The following RAB3C variants were observed in gnomAD, a reference collection of about 807,000 sequenced individuals.
RAB3C encodes ras-related protein Rab-3C.
RAB3C carries 17 observed loss-of-function variants against 26.4 expected under a neutral mutation model. The ratio of observed to expected loss-of-function variants is 0.64; its 90% CI spans 0.44 to 0.97. The LOEUF is 0.97. RAB3C is among the 50% of genes least tolerant of loss of function. RAB3C has a pLI of 0.00. For missense variants in RAB3C, 242 were observed against 281.9 expected (o/e 0.86, Z 1.01); for synonymous variants, 91 against 95.9 (o/e 0.95, Z 0.30).
chr5:58,849,993 T>C (rs1744080545), intron 4 of RAB3C, among the ~76,000 whole-genome samples: 1 of 152,216 alleles, frequency 6.6e-6, no homozygotes, highest in African/African-American at 2.4e-5. Context: ...GAAGGATTTA[T>C]AGGGTGTAAA....
intron 4 of RAB3C, among the ~76,000 whole-genome samples, chr5:58,840,531 C>T (rs1743854220): frequency 6.6e-6 from 1 of 151,876 alleles, no homozygotes; most frequent in Non-Finnish European, 1.5e-5. Context: ...GTCTTGTTTC[C>T]TTGCTTTCTC....
chr5:58,611,954 G>T (rs1265760300), intron 1 of RAB3C, among the ~76,000 whole-genome samples: 2 of 152,090 alleles, frequency 1.3e-5, no homozygotes, highest in Admixed American at 6.6e-5. Context: ...CATACTGCTA[G>T]CCCGTTCTCC....
intron 3 of RAB3C, among the ~76,000 whole-genome samples, chr5:58,778,058 T>G (rs1327957695): frequency 2.0e-5 from 3 of 152,130 alleles, no homozygotes; most frequent in Admixed American, 2.0e-4. Context: ...GATGAATACA[T>G]GTATCACTAT....
intron 4 of RAB3C, among the ~76,000 whole-genome samples, chr5:58,830,574 G>C (rs1743591012): frequency 6.6e-6 from 1 of 152,164 alleles, no homozygotes; most frequent in Non-Finnish European, 1.5e-5. Context: ...AATGACCCCA[G>C]CATGCCTGAT....
At chr5:58,647,991 A>C (rs1201444715) in intron 2 of RAB3C, among the ~76,000 whole-genome samples, 1 of 152,240 alleles carries the variant, frequency 6.6e-6, no homozygotes, top group Non-Finnish European at 1.5e-5. Flanking sequence ...AGGGAATATA[A>C]TATCATTTTT....
chr5:58,623,760 T>C (rs1196825866), intron 2 of RAB3C, among the ~76,000 whole-genome samples: 2 of 152,146 alleles, frequency 1.3e-5, no homozygotes, highest in African/African-American at 2.4e-5. Flanking sequence ...AAAACAAACA[T>C]AGAAGAAAGG....
intron 1 of RAB3C, among the ~76,000 whole-genome samples, chr5:58,591,851 A>T: frequency 7.7e-6 from 1 of 130,534 alleles, no homozygotes; most frequent in Non-Finnish European, 1.7e-5. Context: ...TTAATTACAT[A>T]TTTTTAGGTA....
chr5:58,631,276 T>A (rs1399817592), intron 2 of RAB3C, among the ~76,000 whole-genome samples: 1 of 152,142 alleles, frequency 6.6e-6, no homozygotes, highest in Non-Finnish European at 1.5e-5. Context: ...TCCTCCATCC[T>A]CCATTTGCTT....
intron 3 of RAB3C, among the ~76,000 whole-genome samples, chr5:58,727,666 G>A (rs569388583): frequency 6.6e-6 from 1 of 151,934 alleles, no homozygotes; most frequent in Non-Finnish European, 1.5e-5. Context: ...CTAGTTAATT[G>A]CCACAGATAG....
At chr5:58,669,614 G>A (rs575243336) in intron 2 of RAB3C, among the ~76,000 whole-genome samples, 8 of 152,172 alleles carry the variant, frequency 5.3e-5, no homozygotes, top group Non-Finnish European at 1.2e-4. Context: ...ATCACATGCC[G>A]GCTCCACTAG....
At chr5:58,625,853 T>C (rs1747040549) in intron 2 of RAB3C, among the ~76,000 whole-genome samples, 1 of 121,040 alleles carries the variant, frequency 8.3e-6, no homozygotes, top group Admixed American at 8.0e-5. Flanking sequence ...TGAGACTCTG[T>C]CTCAAAAAAA....
At chr5:58,813,592 T>TTTTATA (rs1253755139) in intron 3 of RAB3C, among the ~76,000 whole-genome samples, 1 of 47,824 alleles carries the variant, frequency 2.1e-5, no homozygotes, top group Non-Finnish European at 4.7e-5. Context: ...ATATTTATAT[T>TTTTATA]TATATATATA....
At chr5:58,688,572 C>A (rs1459721067) in intron 2 of RAB3C, among the ~76,000 whole-genome samples, 1 of 152,114 alleles carries the variant, frequency 6.6e-6, no homozygotes, top group African/African-American at 2.4e-5. Flanking sequence ...AGGTTTAGCT[C>A]CTCAACTCTC....
At chr5:58,723,822 T>C (rs745449895) in intron 2 of RAB3C, among the ~76,000 whole-genome samples, 67 of 151,908 alleles carry the variant, frequency 4.4e-4, no homozygotes, top group African/African-American at 1.1e-3. Context: ...AGAGTCCAGA[T>C]TGATGTCAGA....
chr5:58,787,821 T>G (rs1742425768), intron 3 of RAB3C, among the ~76,000 whole-genome samples: 1 of 152,250 alleles, frequency 6.6e-6, no homozygotes, highest in Non-Finnish European at 1.5e-5. Flanking sequence ...CTTCAGGTTC[T>G]GACGTTCAAG....
rs1744225598 is a variant in RAB3C, at chr5:58,854,872, TTATTCA to T, written c.*3526_*3531del. On this transcript the variant is annotated 3_prime_UTR_variant, in exon 5 of 5. Transcript: ENST00000282878. The stretch of plus-strand genomic sequence containing the variant: ...TATATATATTTCACCTACTTAAATC[TTATTCA>T]TATTAATTATAGGCCTTTTGTTTAG... The T allele has an allele frequency of 3.3e-5, 5 of 151,482 alleles. No individual in the cohort carries two copies. The highest frequency in any genetic ancestry group is 2.6e-4 in the Admixed American group (4 of 15,218). The allele number at this position is 151,482 out of a possible 1,614,324, so 9.4% of individuals were successfully genotyped here.
chr5:58,625,405 T>G (rs1747030714), intron 2 of RAB3C, among the ~76,000 whole-genome samples: 1 of 152,082 alleles, frequency 6.6e-6, no homozygotes, highest in Non-Finnish European at 1.5e-5. Context: ...TAGCCAACAA[T>G]CAATGGAGGA....
chr5:58,612,514 G>GTGTA (rs1746727917), intron 1 of RAB3C, among the ~76,000 whole-genome samples: 5 of 54,096 alleles, frequency 9.2e-5, no homozygotes, highest in African/African-American at 4.2e-4. Context: ...GTGTGTGTGT[G>GTGTA]TGTGTGTATA....
intron 2 of RAB3C, among the ~76,000 whole-genome samples, chr5:58,672,868 T>A (rs1053005640): frequency 2.6e-5 from 4 of 152,212 alleles, no homozygotes; most frequent in African/African-American, 9.6e-5. Flanking sequence ...CTATCCTGCA[T>A]CAGCCACATT....
Sources: gnomAD v4.1 joint callset for allele counts (sites outside exome capture counted in the v4.1 genomes callset) on GRCh38, gnomAD v4.1.1 for gene constraint, MANE v1.5 for transcripts, NCBI Gene and HGNC (gene_info 2026-07-23, HGNC 2026-07-21) for gene names.